Variants in SLC1A2 observed in about 807,000 individuals in gnomAD.
SLC1A2 encodes solute carrier family 1 member 2.
SLC1A2 carries 15 observed loss-of-function variants against 48.8 expected under a neutral mutation model. The observed-to-expected ratio is 0.31, with a 90% CI of 0.21 to 0.47. The LOEUF (loss-of-function observed/expected upper bound fraction) is 0.47. SLC1A2 is among the 20% of genes least tolerant of loss of function. The pLI is 0.99. For missense variants in SLC1A2, 502 were observed against 730.5 expected (o/e 0.69, Z 3.61); for synonymous variants, 279 against 272.6 (o/e 1.02, Z -0.23).
chr11:35,287,826 G>A (rs887680810), intron 7 of SLC1A2, among the ~76,000 whole-genome samples: 6 of 152,300 alleles, frequency 3.9e-5, no homozygotes, highest in African/African-American at 1.4e-4. Context: ...GAGGGTGAGT[G>A]GATTTGCTGC....
intron 1 of SLC1A2, among the ~76,000 whole-genome samples, chr11:35,333,595 G>T (rs545006862): frequency 8.1e-4 from 124 of 152,200 alleles, no homozygotes; most frequent in African/African-American, 2.7e-3. Context: ...ATGACGAAGA[G>T]TTGGAAATTT....
intron 6 of SLC1A2, 48 bp downstream of exon 6, chr11:35,301,471 C>T (rs1851353449): frequency 4.4e-6 from 7 of 1,601,270 alleles, no homozygotes; most frequent in Non-Finnish European, 5.1e-6. Context: ...CTGGGGACCC[C>T]AAGGCTTTCT....
intron 7 of SLC1A2, among the ~76,000 whole-genome samples, chr11:35,287,304 A>G (rs2134721348): frequency 6.6e-6 from 1 of 152,264 alleles, no homozygotes; most frequent in African/African-American, 2.4e-5. Context: ...AAAAAACAAA[A>G]GCCAGCTATG....
chr11:35,280,173 T>C (rs761902427), intron 9 of SLC1A2, among the ~76,000 whole-genome samples: 3 of 152,102 alleles, frequency 2.0e-5, no homozygotes, highest in Non-Finnish European at 2.9e-5. Flanking sequence ...TTTTTCTTTT[T>C]TTTTCTTAGG....
chr11:35,323,082 T>C (rs1223602969), intron 1 of SLC1A2: 1 of 358,654 alleles, frequency 2.8e-6, no homozygotes, highest in Non-Finnish European at 5.1e-6. Context: ...CAGTCCCTTC[T>C]TCTATTCATT....
chr11:35,414,474 A>C (rs1855552536), intron 1 of SLC1A2, among the ~76,000 whole-genome samples: 2 of 152,234 alleles, frequency 1.3e-5, no homozygotes, highest in Non-Finnish European at 2.9e-5. Context: ...AGATATTTTT[A>C]AACATTCCTT....
rs1232213252 is a variant in SLC1A2 at position 35,256,844 on chromosome 11, T to A, written c.*4050A>T. On this transcript the variant is annotated 3_prime_UTR_variant, in exon 11 of 11. Transcript: ENST00000278379. ...ACTGGGGTATAACTGCTGTGCACTT[T>A]TAGTCATCAAACTAGATGAGAGCTA... 6.6e-6 allele frequency: 1 copy of A among 152,086 alleles called. No homozygotes were observed. Among genetic ancestry groups the A allele is most frequent in the African/African-American group, 2.4e-5 (1 of 41,420 alleles). The allele number at this position is 152,086 out of a possible 1,614,324, so 9.4% of individuals were successfully genotyped here.
At chr11:35,395,791 G>C (rs1241788445) in intron 1 of SLC1A2, among the ~76,000 whole-genome samples, 1 of 139,486 alleles carries the variant, frequency 7.2e-6, no homozygotes, top group Non-Finnish European at 1.5e-5. Context: ...TCGTCATCTA[G>C]CATTAGGTAT....
chr11:35,317,316 C>T, intron 2 of SLC1A2, 61 bp downstream of exon 2: 5 of 1,566,192 alleles, frequency 3.2e-6, no homozygotes, highest in Non-Finnish European at 4.4e-6. Flanking sequence ...CCAGCTGCCC[C>T]ACAGAGCCAG....
At chr11:35,401,062 T>G (rs10836390) in intron 1 of SLC1A2, among the ~76,000 whole-genome samples, 19,095 of 152,162 alleles carry the variant, frequency 0.13, 3,173 homozygotes, top group African/African-American at 0.38. Flanking sequence ...GGTAATTGGT[T>G]GAAAAAGTTT....
At chr11:35,292,184 G>A (rs1221905551) in intron 7 of SLC1A2, 103 bp downstream of exon 7, 1 of 804,350 alleles carries the variant, frequency 1.2e-6, no homozygotes, top group African/African-American at 1.7e-5. Flanking sequence ...TGTGTGCCAA[G>A]TGTTCTTATT....
intron 7 of SLC1A2, among the ~76,000 whole-genome samples, chr11:35,290,986 A>G (rs1337727275): frequency 6.6e-6 from 1 of 152,152 alleles, no homozygotes; most frequent in Non-Finnish European, 1.5e-5. Flanking sequence ...AGGTCGCTTA[A>G]GGGAAACCTG....
In SLC1A2 at chr11:35,263,172, A is replaced by C. The variant is rs529398940; in HGVS notation, c.1654-2207T>G. On this transcript the variant is annotated intron_variant, in intron 10 of 10. Coordinates refer to ENST00000278379, the MANE Select transcript of SLC1A2 (RefSeq NM_004171.4). The stretch of plus-strand genomic sequence containing the variant: ...GGCTTGAAATAGTTTGCTTTAAAAA[A>C]CGAAGCAAATTGGCCAGGTGCAGTG... Among the ~76,000 whole-genome samples, 36 of 152,308 alleles carry C rather than the reference A, an allele frequency of 2.4e-4. No homozygotes were observed. The South Asian group carries it at 6.6e-3, about 28-fold the overall frequency.
At chr11:35,293,605 T>C (rs1334203786) in intron 6 of SLC1A2, among the ~76,000 whole-genome samples, 1 of 152,194 alleles carries the variant, frequency 6.6e-6, no homozygotes, top group Non-Finnish European at 1.5e-5. Context: ...CTGGCTGATA[T>C]GAAAATATTT....
At chr11:35,308,957 ACCTT>A (rs1851598343) in intron 4 of SLC1A2, among the ~76,000 whole-genome samples, 1 of 152,124 alleles carries the variant, frequency 6.6e-6, no homozygotes, top group Non-Finnish European at 1.5e-5. Flanking sequence ...AGCTGAGTTT[ACCTT>A]CCTCCACTCA....
intron 1 of SLC1A2, among the ~76,000 whole-genome samples, chr11:35,361,955 G>A (rs985880143): frequency 1.3e-5 from 2 of 152,176 alleles, no homozygotes; most frequent in African/African-American, 2.4e-5. Flanking sequence ...TAGCCTAGGT[G>A]ATAGACACAG....
At chr11:35,274,345 T>C (rs989727425) in intron 9 of SLC1A2, among the ~76,000 whole-genome samples, 1 of 151,974 alleles carries the variant, frequency 6.6e-6, no homozygotes, top group African/African-American at 2.4e-5. Flanking sequence ...GAAACTTTGG[T>C]GAGAGAGGAA....
At chr11:35,298,081 C>T (rs1851226934) in intron 6 of SLC1A2, 1 of 152,186 alleles carries the variant, frequency 6.6e-6, no homozygotes, top group African/African-American at 2.4e-5. Flanking sequence ...GGCAAGTCAA[C>T]CTCTGTGCTT....
Position 35,255,057 on chromosome 11 carries a change from G to A in SLC1A2, c.*5837C>T, listed in dbSNP as rs958136348. Reference sequence around the variant, plus strand: ...TTTTTTGCACTAATGGAAAAAAGCCGGCCGAAAAACAAAACCCAATCCTTT... The same window carrying A: ...TTTTTTGCACTAATGGAAAAAAGCCAGCCGAAAAACAAAACCCAATCCTTT... On this transcript the variant is annotated 3_prime_UTR_variant, in exon 11 of 11. Coordinates refer to ENST00000278379, the MANE Select transcript of SLC1A2 (RefSeq NM_004171.4). 18 of 300,354 alleles carry A rather than the reference G, an allele frequency of 6.0e-5. 1 individual carries two copies. The highest frequency in any genetic ancestry group is 2.7e-4 in the African/African-American group (12 of 44,864). 18.6% of individuals were successfully genotyped at this position (300,354 alleles called of 1,614,324 possible).
Sources: gnomAD v4.1 joint callset for allele counts (sites outside exome capture counted in the v4.1 genomes callset) on GRCh38, gnomAD v4.1.1 for gene constraint, MANE v1.5 for transcripts, NCBI Gene and HGNC (gene_info 2026-07-23, HGNC 2026-07-21) for gene names.